The following PDK1 variants were observed in gnomAD, a reference collection of about 807,000 sequenced individuals.
PDK1 encodes pyruvate dehydrogenase kinase 1.
Under a neutral mutation model 54.2 loss-of-function variants are expected in PDK1, and 39 were observed. The ratio of observed to expected loss-of-function variants is 0.72; its 90% confidence interval spans 0.56 to 0.94. PDK1 has a LOEUF of 0.94. PDK1 is among the 40% of genes least tolerant of loss of function. PDK1 has a pLI of 0.00. For missense variants in PDK1, 552 were observed against 566.0 expected (o/e 0.98, Z 0.25); for synonymous variants, 221 against 207.1 (o/e 1.07, Z -0.58).
the PDK1 span, among the ~76,000 whole-genome samples, chr2:172,696,172 C>CAA: frequency 0.021 from 2,533 of 121,436 alleles, 39 homozygotes; most frequent in African/African-American, 0.032. Flanking sequence ...AACTCTGTCT[C>CAA]AAAAAAAAAA....
intron 8 of PDK1, among the ~76,000 whole-genome samples, 162 bp from the exon 9 acceptor site, chr2:172,586,116 A>G (rs1372569658): frequency 1.3e-5 from 2 of 149,874 alleles, no homozygotes; most frequent in Admixed American, 1.3e-4. Flanking sequence ...CTGAGGTCGC[A>G]CCACTGCACT....
intron 8 of PDK1, among the ~76,000 whole-genome samples, chr2:172,574,606 A>G (rs6730555): frequency 1.9e-4 from 29 of 152,282 alleles, no homozygotes; most frequent in African/African-American, 5.8e-4. Context: ...CTTTCTTTCA[A>G]TAATGTTTTG....
At chr2:172,640,556 T>C in the PDK1 span, among the ~76,000 whole-genome samples, 2 of 152,200 alleles carry the variant, frequency 1.3e-5, no homozygotes, top group Admixed American at 6.5e-5. Flanking sequence ...TGTTTGGAAA[T>C]GTAATAGCTG....
the PDK1 span, among the ~76,000 whole-genome samples, chr2:172,616,206 AAG>A: frequency 1.3e-5 from 2 of 152,192 alleles, no homozygotes; most frequent in South Asian, 4.1e-4. Context: ...TTTTTTTGTA[AAG>A]TTATACATTG....
At chr2:172,584,336 A>G (rs1341834472) in intron 8 of PDK1, among the ~76,000 whole-genome samples, 1 of 151,320 alleles carries the variant, frequency 6.6e-6, no homozygotes, top group Non-Finnish European at 1.5e-5. Flanking sequence ...TTATAATAGA[A>G]TTTTTGCAGA....
chr2:172,565,664 A>T (rs971427019), intron 5 of PDK1, among the ~76,000 whole-genome samples: 1 of 152,186 alleles, frequency 6.6e-6, no homozygotes, highest in Admixed American at 6.5e-5. Context: ...TTCTTACACT[A>T]TGAGCAGTAA....
chr2:172,665,071 C>T, the PDK1 span, among the ~76,000 whole-genome samples: 12 of 152,054 alleles, frequency 7.9e-5, no homozygotes, highest in East Asian at 2.3e-3. Context: ...GAATCCTCTG[C>T]TTTTATGTTT....
the PDK1 span, among the ~76,000 whole-genome samples, chr2:172,647,364 T>G: frequency 6.6e-6 from 1 of 152,000 alleles, no homozygotes; most frequent in Non-Finnish European, 1.5e-5. Context: ...AGATGGGACT[T>G]TGAGGCTACC....
At chr2:172,668,785 CAT>C in the PDK1 span, among the ~76,000 whole-genome samples, 5 of 141,702 alleles carry the variant, frequency 3.5e-5, no homozygotes, top group South Asian at 2.3e-4. Context: ...TGTACACACA[CAT>C]ATATGTATGT....
chr2:172,644,505 A>G, the PDK1 span, among the ~76,000 whole-genome samples: 11,605 of 152,250 alleles, frequency 0.076, 1,116 homozygotes, highest in African/African-American at 0.23. Flanking sequence ...AATGAAACAC[A>G]CAGAGTATAG....
the PDK1 span, among the ~76,000 whole-genome samples, chr2:172,662,926 G>A: frequency 6.6e-6 from 1 of 152,262 alleles, no homozygotes; most frequent in South Asian, 2.1e-4. Context: ...GACTGTGTCT[G>A]CAAGTTGATC....
At chr2:172,561,612 A>G (rs1038926374) in intron 2 of PDK1, among the ~76,000 whole-genome samples, 3 of 152,176 alleles carry the variant, frequency 2.0e-5, no homozygotes, top group Non-Finnish European at 2.9e-5. Flanking sequence ...GGCCTTCTCT[A>G]TTTTGCTCAT....
At chr2:172,616,290 A>G in the PDK1 span, among the ~76,000 whole-genome samples, 2 of 152,234 alleles carry the variant, frequency 1.3e-5, no homozygotes, top group Non-Finnish European at 2.9e-5. Context: ...TTGGAATGCT[A>G]AAAACAACTG....
chr2:172,660,631 G>T, the PDK1 span, among the ~76,000 whole-genome samples: 10 of 152,000 alleles, frequency 6.6e-5, no homozygotes, highest in African/African-American at 2.2e-4. Flanking sequence ...CTTTTAATGG[G>T]CTAACATCTC....
At chr2:172,594,235 G>C (rs1007166173) in intron 10 of PDK1, among the ~76,000 whole-genome samples, 3 of 152,068 alleles carry the variant, frequency 2.0e-5, no homozygotes, top group Admixed American at 6.6e-5. Context: ...ACGCTGGCTA[G>C]GCTGATCTCG....
the PDK1 span, among the ~76,000 whole-genome samples, chr2:172,630,347 A>G: frequency 6.6e-6 from 1 of 152,218 alleles, no homozygotes; most frequent in Non-Finnish European, 1.5e-5. Context: ...GCACTGCTCC[A>G]TATGGTAACC....
At chr2:172,652,644 C>CA in the PDK1 span, among the ~76,000 whole-genome samples, 2 of 152,072 alleles carry the variant, frequency 1.3e-5, no homozygotes, top group African/African-American at 4.8e-5. Context: ...AATCAATGTG[C>CA]AAAAATCACA....
chr2:172,659,632 A>C, the PDK1 span, among the ~76,000 whole-genome samples: 1 of 152,220 alleles, frequency 6.6e-6, no homozygotes, highest in Non-Finnish European at 1.5e-5. Flanking sequence ...TTTAAAGTAC[A>C]CTAAAAACTC....
chr2:172,640,400 C>T, the PDK1 span, among the ~76,000 whole-genome samples: 1 of 152,100 alleles, frequency 6.6e-6, no homozygotes, highest in Non-Finnish European at 1.5e-5. Flanking sequence ...AATACCCAAC[C>T]AAAACTGCCT....
Sources: gnomAD v4.1 joint callset for allele counts (sites outside exome capture counted in the v4.1 genomes callset) on GRCh38, gnomAD v4.1.1 for gene constraint, MANE v1.5 for transcripts, NCBI Gene and HGNC (gene_info 2026-07-23, HGNC 2026-07-21) for gene names.